Variants in SPMIP2 observed in about 807,000 individuals in gnomAD.
The protein encoded by SPMIP2 is sperm microtubule inner protein 2.
At chr4:159,063,279 C>G in the SPMIP2 span, among the ~76,000 whole-genome samples, 309 of 152,276 alleles carry the variant, frequency 2.0e-3, no homozygotes, top group Non-Finnish European at 3.0e-3. Context: ...TTATCTTGGG[C>G]CGGGCATGGT....
chr4:159,005,253 G>A, the SPMIP2 span, among the ~76,000 whole-genome samples: 1 of 147,178 alleles, frequency 6.8e-6, no homozygotes. Context: ...CAACCAGCCT[G>A]GCCAACATGG....
At chr4:159,067,886 G>A in the SPMIP2 span, among the ~76,000 whole-genome samples, 1 of 152,194 alleles carries the variant, frequency 6.6e-6, no homozygotes, top group Non-Finnish European at 1.5e-5. Flanking sequence ...AGACATTTAT[G>A]CAGCCAAAAA....
At chr4:158,912,132 TAA>T in the SPMIP2 span, among the ~76,000 whole-genome samples, 4 of 152,258 alleles carry the variant, frequency 2.6e-5, no homozygotes, top group Non-Finnish European at 5.9e-5. Context: ...AGATAGAACT[TAA>T]GAGACATTTT....
chr4:158,899,290 G>T, the SPMIP2 span, among the ~76,000 whole-genome samples: 1 of 152,310 alleles, frequency 6.6e-6, no homozygotes, highest in African/African-American at 2.4e-5. Flanking sequence ...GTTCATCAGG[G>T]ATATTGGCCT....
chr4:159,059,648 C>G, the SPMIP2 span, among the ~76,000 whole-genome samples: 1 of 152,216 alleles, frequency 6.6e-6, no homozygotes, highest in Non-Finnish European at 1.5e-5. Context: ...GCTAGGATTA[C>G]AGGTGTGAGC....
the SPMIP2 span, among the ~76,000 whole-genome samples, chr4:158,977,823 C>T: frequency 6.6e-6 from 1 of 152,006 alleles, no homozygotes; most frequent in African/African-American, 2.4e-5. Context: ...ACTGTGTTAG[C>T]CAGGATGGTC....
At chr4:158,977,836 G>T in the SPMIP2 span, among the ~76,000 whole-genome samples, 47,104 of 151,794 alleles carry the variant, frequency 0.31, 7,534 homozygotes, top group Middle Eastern at 0.38. Context: ...GGATGGTCTC[G>T]ATCTCCTGAC....
chr4:159,078,027 T>C, the SPMIP2 span, among the ~76,000 whole-genome samples: 1 of 152,162 alleles, frequency 6.6e-6, no homozygotes. Flanking sequence ...CTAAAAATCA[T>C]ATTTTTAAAT....
chr4:158,931,580 A>G, the SPMIP2 span, among the ~76,000 whole-genome samples: 2 of 151,560 alleles, frequency 1.3e-5, no homozygotes, highest in African/African-American at 4.9e-5. Context: ...CATCATTATT[A>G]TTATTGAGAC....
chr4:158,937,046 C>A, the SPMIP2 span, among the ~76,000 whole-genome samples: 1 of 152,172 alleles, frequency 6.6e-6, no homozygotes, highest in East Asian at 1.9e-4. Flanking sequence ...CGGGGGAAAC[C>A]AATGCTACAG....
chr4:158,996,819 G>C, the SPMIP2 span, among the ~76,000 whole-genome samples: 1 of 152,156 alleles, frequency 6.6e-6, no homozygotes, highest in Non-Finnish European at 1.5e-5. Context: ...GAAAACCTCA[G>C]ATAAATTCCT....
At chr4:158,893,605 T>G in the SPMIP2 span, 10 of 1,100,702 alleles carry the variant, frequency 9.1e-6, no homozygotes, top group Non-Finnish European at 1.2e-5. Flanking sequence ...TGGGGCAATA[T>G]GAGAAGCACT....
At chr4:158,897,935 T>C in the SPMIP2 span, among the ~76,000 whole-genome samples, 3 of 152,252 alleles carry the variant, frequency 2.0e-5, no homozygotes, top group Admixed American at 1.3e-4. Flanking sequence ...TGAATGGTAT[T>C]GCCTAGGTTT....
At chr4:158,993,700 AG>A in the SPMIP2 span, among the ~76,000 whole-genome samples, 30,887 of 152,190 alleles carry the variant, frequency 0.2, 3,490 homozygotes, top group Non-Finnish European at 0.26. Flanking sequence ...TTTGAGAGGC[AG>A]GTGCTAGAAA....
chr4:159,015,826 T>C, the SPMIP2 span, among the ~76,000 whole-genome samples: 3 of 152,224 alleles, frequency 2.0e-5, no homozygotes, highest in Non-Finnish European at 4.4e-5. Context: ...TTAAAATTTA[T>C]AGTAAGTGCT....
the SPMIP2 span, chr4:158,893,559 T>A: frequency 1.5e-6 from 1 of 656,698 alleles, no homozygotes; most frequent in South Asian, 2.4e-5. Context: ...TTATTTGGGC[T>A]TTAAGCTGAA....
chr4:159,067,812 A>G, the SPMIP2 span, among the ~76,000 whole-genome samples: 4 of 152,224 alleles, frequency 2.6e-5, no homozygotes, highest in Non-Finnish European at 5.9e-5. Context: ...CAAATGTACA[A>G]GAAAAAAACA....
At chr4:159,007,603 C>A in the SPMIP2 span, 130 of 1,093,184 alleles carry the variant, frequency 1.2e-4, 1 homozygote, top group African/African-American at 2.0e-3. Context: ...TTCCAGACAA[C>A]CATTTCCAAG....
chr4:158,997,061 C>T, the SPMIP2 span, among the ~76,000 whole-genome samples: 3 of 152,066 alleles, frequency 2.0e-5, no homozygotes, highest in Non-Finnish European at 4.4e-5. Flanking sequence ...TCAGAGAAAA[C>T]ACACACACAC....
Sources: gnomAD v4.1 joint callset for allele counts (sites outside exome capture counted in the v4.1 genomes callset) on GRCh38, gnomAD v4.1.1 for gene constraint, MANE v1.5 for transcripts, NCBI Gene and HGNC (gene_info 2026-07-23, HGNC 2026-07-21) for gene names.